Variants in LPP observed in about 807,000 individuals in gnomAD.
LPP encodes the protein lipoma-preferred partner.
Under a neutral mutation model 60.4 loss-of-function variants are expected in LPP, and 38 were observed. The observed-to-expected ratio is 0.63, with a 90% confidence interval of 0.49 to 0.83. LPP has a LOEUF of 0.83. Among genes scored for constraint, LPP ranks in the 40% least tolerant of loss-of-function variants. The pLI, the probability that LPP is intolerant of heterozygous loss-of-function variation, is 0.00. For missense variants in LPP, 902 were observed against 783.6 expected (o/e 1.15, Z -1.80); for synonymous variants, 328 against 290.8 (o/e 1.13, Z -1.30).
intron 9 of LPP, among the ~76,000 whole-genome samples, chr3:188,821,989 C>T (rs141165799): frequency 1.3e-5 from 2 of 152,166 alleles, no homozygotes; most frequent in African/African-American, 4.8e-5. Context: ...ATGGTAGCCC[C>T]CTAAGATGCT....
chr3:188,557,307 CTG>C (rs993123819), intron 6 of LPP, among the ~76,000 whole-genome samples: 28 of 152,192 alleles, frequency 1.8e-4, no homozygotes, highest in Non-Finnish European at 2.6e-4. Context: ...TAAAGCAAAA[CTG>C]TGTTTATTAG....
intron 2 of LPP, among the ~76,000 whole-genome samples, chr3:188,334,785 TACTA>T (rs1761186439): frequency 6.6e-6 from 1 of 152,196 alleles, no homozygotes; most frequent in South Asian, 2.1e-4. Context: ...ATAATGGCTG[TACTA>T]ACTTACATTC....
Position 188,760,164 on chromosome 3 carries a change from C to T in LPP, c.1292C>T (p.Thr431Ile). The change falls in exon 9 of 12, where the codon ACT becomes ATT. Residue 431 changes from threonine (T) to isoleucine (I), a missense_variant. Transcript: ENST00000617246. ...GTAGTTGGGGAAGGTACAGGATGCA[C>T]TGCCATGGATCAGGTCTTCCACGTG... ...ENVVGEGTGC[T>I]AMDQVFHVDC... 6.2e-7 allele frequency: 1 copy of T among 1,614,062 alleles called. No individual in the cohort carries two copies. Among genetic ancestry groups the T allele is most frequent in the South Asian group, 1.1e-5 (1 of 91,086 alleles).
intron 2 of LPP, among the ~76,000 whole-genome samples, chr3:188,249,955 A>G (rs973305514): frequency 4.7e-5 from 7 of 149,004 alleles, no homozygotes; most frequent in East Asian, 2.0e-4. Context: ...CATTGCCTCT[A>G]CCCCTAAGTA....
At chr3:188,228,086 T>G (rs1171087406) in intron 2 of LPP, among the ~76,000 whole-genome samples, 2 of 152,174 alleles carry the variant, frequency 1.3e-5, no homozygotes, top group Admixed American at 6.5e-5. Flanking sequence ...GAGCCGGGCT[T>G]TAGTTCCTGC....
chr3:188,540,954 G>A (rs935987008), intron 6 of LPP, among the ~76,000 whole-genome samples: 2 of 152,174 alleles, frequency 1.3e-5, no homozygotes, highest in African/African-American at 2.4e-5. Flanking sequence ...GGAGCCAAAA[G>A]CTACAGCTAG....
intron 2 of LPP, among the ~76,000 whole-genome samples, chr3:188,277,150 C>T (rs1371677809): frequency 6.6e-6 from 1 of 152,010 alleles, no homozygotes; most frequent in Non-Finnish European, 1.5e-5. Flanking sequence ...GTGATCCACC[C>T]GCCTCCACCT....
chr3:188,177,823 G>C (rs573007687), intron 1 of LPP, among the ~76,000 whole-genome samples: 1 of 148,942 alleles, frequency 6.7e-6, no homozygotes, highest in South Asian at 2.1e-4. Context: ...GAGAGATGGA[G>C]CTGCCCTGAG....
chr3:188,269,198 C>T (rs370320564), intron 2 of LPP, among the ~76,000 whole-genome samples: 6 of 152,162 alleles, frequency 3.9e-5, no homozygotes, highest in Admixed American at 2.6e-4. Flanking sequence ...TCCTGGAGAT[C>T]GTAATATCTT....
chr3:188,889,807 AG>A lies in LPP; in HGVS notation c.*15331del. The A allele has an allele frequency of 4.7e-6, 1 of 214,970 alleles. No individual in the cohort carries two copies. The highest frequency in any genetic ancestry group is 6.9e-5 in the East Asian group (1 of 14,474). 13.3% of individuals were successfully genotyped at this position (214,970 alleles called of 1,614,324 possible). On this transcript the variant is annotated 3_prime_UTR_variant, in exon 12 of 12. Transcript: ENST00000617246. ...TGAATCCAGTTGACTCTTTGGCAAA[AG>A]GGTGATACTTTTCACTAAAAATGCC... is the stretch of plus-strand genomic sequence containing the variant.
At chr3:188,660,644 CTGTG>C (rs1217077290) in intron 7 of LPP, among the ~76,000 whole-genome samples, 5 of 149,964 alleles carry the variant, frequency 3.3e-5, no homozygotes, top group African/African-American at 7.3e-5. Flanking sequence ...TTCCAAAGAT[CTGTG>C]TGTGTGTGTG....
chr3:188,449,345 A>G (rs1387580962), intron 4 of LPP, among the ~76,000 whole-genome samples: 1 of 151,714 alleles, frequency 6.6e-6, no homozygotes, highest in Admixed American at 6.6e-5. Flanking sequence ...TCTCCCTTCC[A>G]CCTCACAGAA....
chr3:188,762,374 T>A (rs1419973304), intron 9 of LPP, among the ~76,000 whole-genome samples: 1 of 152,220 alleles, frequency 6.6e-6, no homozygotes, highest in African/African-American at 2.4e-5. Flanking sequence ...AATGTTATTC[T>A]GGGATTAACT....
rs145548433 is a variant in LPP at position 188,156,653 on chromosome 3, G to A, written c.-190+2401G>A. 7.9e-5 allele frequency among the ~76,000 whole-genome samples: 12 copies of A among 152,202 alleles called. No homozygotes were observed. The East Asian group carries it at 2.1e-3, about 27-fold the overall frequency. ...AGTTTAAGACAGCCTGGCCAACATC[G>A]TGAAACCCCGTCTCTACTAAAAATA... On this transcript the variant is annotated intron_variant, in intron 1 of 11. Transcript: ENST00000617246.
intron 9 of LPP, among the ~76,000 whole-genome samples, chr3:188,802,481 T>A (rs1747564643): frequency 3.3e-5 from 5 of 152,144 alleles, no homozygotes; most frequent in Non-Finnish European, 5.9e-5. Context: ...AATGTCTTTT[T>A]AAAAAATAAT....
chr3:188,773,895 T>C (rs1158224947), intron 9 of LPP, among the ~76,000 whole-genome samples: 1 of 152,190 alleles, frequency 6.6e-6, no homozygotes, highest in Non-Finnish European at 1.5e-5. Flanking sequence ...AAGGTCTTCA[T>C]GGAGGAAGAG....
chr3:188,777,890 A>G (rs1738352287), intron 9 of LPP, among the ~76,000 whole-genome samples: 1 of 152,330 alleles, frequency 6.6e-6, no homozygotes, highest in East Asian at 1.9e-4. Flanking sequence ...TCTAAATACG[A>G]ACTTATTCAA....
At chr3:188,210,734 AAAGCTTAAGACCATTCCCAG>A (rs1315982387) in intron 1 of LPP, among the ~76,000 whole-genome samples, 2 of 152,108 alleles carry the variant, frequency 1.3e-5, no homozygotes, top group Non-Finnish European at 2.9e-5. Flanking sequence ...TTTGGTTTTT[AAAGCTTAAGACCATTCCCAG>A]AAGCTCTTTT....
chr3:188,187,329 T>C (rs1193841302), intron 1 of LPP, among the ~76,000 whole-genome samples: 1 of 152,180 alleles, frequency 6.6e-6, no homozygotes, highest in East Asian at 1.9e-4. Context: ...GTCACCACCT[T>C]TAAGCCACTT....
Sources: allele counts gnomAD v4.1 joint callset (sites outside exome capture counted in the v4.1 genomes callset), GRCh38; gene constraint gnomAD v4.1.1; transcripts MANE v1.5; gene names NCBI Gene and HGNC (gene_info 2026-07-23, HGNC 2026-07-21).